Variants in MCTP1 observed in about 807,000 individuals in gnomAD.
MCTP1 encodes the protein multiple C2 and transmembrane domain containing 1.
Under a neutral mutation model 120.6 loss-of-function variants are expected in MCTP1, and 69 were observed. That is an observed-to-expected ratio of 0.57 (90% confidence interval 0.47 to 0.70). The LOEUF is 0.70. Ranked by LOEUF, MCTP1 falls within the 30% of genes least tolerant of loss-of-function variation. The probability of loss-of-function intolerance (pLI) is 0.00; values close to 1 mark genes in which losing one functional copy is unlikely to be tolerated. For missense variants in MCTP1, 1,203 were observed against 1,248.8 expected, an observed-to-expected ratio of 0.96 and a Z score of 0.55; for synonymous variants, 529 against 493.1, an observed-to-expected ratio of 1.07 and a Z score of -0.96.
At chr5:94,816,600 A>C (rs573139235) in intron 17 of MCTP1, among the ~76,000 whole-genome samples, 11 of 152,254 alleles carry the variant, frequency 7.2e-5, no homozygotes, top group Admixed American at 5.9e-4. Context: ...AGGATCATTT[A>C]ACTTTTTTCC....
chr5:95,167,075 C>G (rs551451120), intron 1 of MCTP1, among the ~76,000 whole-genome samples: 51 of 152,238 alleles, frequency 3.4e-4, no homozygotes, highest in African/African-American at 1.1e-3. Flanking sequence ...ACTCCCTGCA[C>G]CCTATGACAG....
intron 18 of MCTP1, among the ~76,000 whole-genome samples, chr5:94,795,392 G>A (rs59683050): frequency 2.6e-5 from 4 of 152,110 alleles, no homozygotes; most frequent in African/African-American, 9.7e-5. Flanking sequence ...CAGAGCCCAC[G>A]GTGTAATGAT....
At chr5:95,185,211 A>G (rs55921158) in intron 1 of MCTP1, among the ~76,000 whole-genome samples, 23,626 of 151,828 alleles carry the variant, frequency 0.16, 1,847 homozygotes, top group Middle Eastern at 0.19. Context: ...TAGTATTGTA[A>G]TGATACCAAA....
intron 2 of MCTP1, chr5:94,980,982 A>C (rs917544309): frequency 3.9e-5 from 6 of 152,166 alleles, no homozygotes; most frequent in African/African-American, 1.4e-4. Flanking sequence ...TGTAACTAAA[A>C]TACTTGAGGA....
intron 17 of MCTP1, among the ~76,000 whole-genome samples, chr5:94,800,097 C>T (rs1475700021): frequency 1.3e-5 from 2 of 152,168 alleles, no homozygotes; most frequent in South Asian, 2.1e-4. Flanking sequence ...TTCGTTTCTT[C>T]CCCAGTAAAA....
At chr5:94,905,060 A>G (rs1210510747) in intron 10 of MCTP1, among the ~76,000 whole-genome samples, 2 of 152,194 alleles carry the variant, frequency 1.3e-5, no homozygotes, top group East Asian at 3.8e-4. Flanking sequence ...TAGGCTTGGT[A>G]TGGACGCCTC....
rs376058278 is a variant in MCTP1, at chr5:94,756,432, A to T, written c.2610+22678T>A. ...GGTTATGGGAATGAAAAGGAGAGTG[A>T]CTGACAGGAGACGGTGGAGCTCTAT... is the stretch of plus-strand genomic sequence containing the variant. On this transcript the variant is annotated intron_variant, in intron 19 of 22. Transcript: ENST00000515393. 4.6e-5 allele frequency among the ~76,000 whole-genome samples: 7 copies of T among 152,334 alleles called. No individual in the cohort carries two copies. In the East Asian group the frequency reaches 1.2e-3, roughly 25 times the overall value.
intron 6 of MCTP1, chr5:94,931,643 C>T (rs941381112): frequency 3.3e-6 from 1 of 305,094 alleles, no homozygotes; most frequent in Non-Finnish European, 6.0e-6. Context: ...GTTGTCCCTC[C>T]CCTAGCCTCA....
At chr5:94,853,607 A>G (rs1379218541) in intron 17 of MCTP1, among the ~76,000 whole-genome samples, 4 of 151,878 alleles carry the variant, frequency 2.6e-5, no homozygotes, top group South Asian at 2.1e-4. Flanking sequence ...TTTCATATTT[A>G]TCATCTTATA....
intron 9 of MCTP1, 95 bp downstream of exon 9, chr5:94,912,711 A>T: frequency 2.0e-6 from 2 of 988,680 alleles, no homozygotes; most frequent in Non-Finnish European, 2.8e-6. Flanking sequence ...TTAAGCATTT[A>T]AAACATTATC....
chr5:95,263,719 T>C (rs1415866277), intron 1 of MCTP1, among the ~76,000 whole-genome samples: 1 of 152,200 alleles, frequency 6.6e-6, no homozygotes, highest in Admixed American at 6.5e-5. Flanking sequence ...GTATTGAGCA[T>C]TGCCATGTGC....
chr5:94,921,869 C>T (rs1021371471), intron 7 of MCTP1, among the ~76,000 whole-genome samples: 3 of 152,138 alleles, frequency 2.0e-5, no homozygotes, highest in Admixed American at 6.5e-5. Flanking sequence ...AAATAACAGG[C>T]TAAGGAACAG....
chr5:94,796,953 T>A (rs565637452), intron 18 of MCTP1, among the ~76,000 whole-genome samples: 1 of 151,884 alleles, frequency 6.6e-6, no homozygotes, highest in African/African-American at 2.4e-5. Flanking sequence ...AGTTAGACTA[T>A]AGAATGTTTC....
At chr5:95,053,345 G>A (rs1166365774) in intron 1 of MCTP1, among the ~76,000 whole-genome samples, 2 of 152,176 alleles carry the variant, frequency 1.3e-5, no homozygotes, top group Non-Finnish European at 2.9e-5. Flanking sequence ...GTTTATGAAT[G>A]TGCTGTTCAT....
chr5:95,118,167 C>A (rs1390650218), intron 1 of MCTP1, among the ~76,000 whole-genome samples: 1 of 152,156 alleles, frequency 6.6e-6, no homozygotes, highest in Non-Finnish European at 1.5e-5. Flanking sequence ...CACAATTTAC[C>A]TATGTAACAA....
chr5:94,905,220 A>C (rs1806510136), intron 10 of MCTP1, among the ~76,000 whole-genome samples: 1 of 152,152 alleles, frequency 6.6e-6, no homozygotes, highest in Non-Finnish European at 1.5e-5. Context: ...CAGCTGGCTG[A>C]AAGTGAATGA....
chr5:94,797,901 T>C (rs1780418428), intron 18 of MCTP1, among the ~76,000 whole-genome samples: 1 of 152,134 alleles, frequency 6.6e-6, no homozygotes, highest in African/African-American at 2.4e-5. Context: ...GTATTTTGCT[T>C]GTATTTTAAT....
At chr5:94,953,698 C>A (rs1821223804) in intron 2 of MCTP1, among the ~76,000 whole-genome samples, 1 of 149,186 alleles carries the variant, frequency 6.7e-6, no homozygotes, top group Admixed American at 6.7e-5. Context: ...TTTATCACAG[C>A]ACTTTTCACA....
intron 17 of MCTP1, among the ~76,000 whole-genome samples, chr5:94,804,933 G>A (rs1227357422): frequency 6.6e-6 from 1 of 151,996 alleles, no homozygotes; most frequent in Non-Finnish European, 1.5e-5. Flanking sequence ...CCAGTTAAAA[G>A]CTTTACTAAT....
Sources: allele counts gnomAD v4.1 joint callset (sites outside exome capture counted in the v4.1 genomes callset), GRCh38; gene constraint gnomAD v4.1.1; transcripts MANE v1.5; gene names NCBI Gene and HGNC (gene_info 2026-07-23, HGNC 2026-07-21).